DACH1: variants seen among roughly 807,000 people sequenced by gnomAD.
The protein encoded by DACH1 is dachshund homolog 1.
Under a neutral mutation model 54.2 loss-of-function variants are expected in DACH1, and 12 were observed. That is an observed-to-expected ratio of 0.22 (90% CI 0.14 to 0.36). The LOEUF is 0.36. Ranked by LOEUF, DACH1 falls within the 10% of genes least tolerant of loss-of-function variation. The pLI is 1.00. For synonymous variants in DACH1, 386 were observed against 366.2 expected, an observed-to-expected ratio of 1.05 and a Z score of -0.62; for missense variants, 805 against 929.8, an observed-to-expected ratio of 0.87 and a Z score of 1.75.
At chr13:71,473,007 G>A (rs536512536) in intron 10 of DACH1, among the ~76,000 whole-genome samples, 2 of 152,122 alleles carry the variant, frequency 1.3e-5, no homozygotes, top group Non-Finnish European at 2.9e-5. Flanking sequence ...TCTTTGCTCT[G>A]TTATGTTAAG....
At chr13:71,600,071 A>C (rs1250806183) in intron 3 of DACH1, among the ~76,000 whole-genome samples, 1 of 152,124 alleles carries the variant, frequency 6.6e-6, no homozygotes, top group East Asian at 1.9e-4. Context: ...AACTCACAGA[A>C]AGAGGAACTA....
intron 1 of DACH1, among the ~76,000 whole-genome samples, chr13:71,770,276 T>G (rs1434759599): frequency 6.6e-6 from 1 of 151,690 alleles, no homozygotes; most frequent in East Asian, 1.9e-4. Context: ...TGCAATGAAA[T>G]CTTCACACTC....
Position 71,866,512 on chromosome 13 carries a change from G to C in DACH1, c.258C>G (p.Gly86=), listed in dbSNP as rs1225419267. 2 of 1,215,306 alleles carry C rather than the reference G, an allele frequency of 1.6e-6. No individual in the cohort carries two copies. Among genetic ancestry groups the C allele is most frequent in the Non-Finnish European group, 1.0e-6 (1 of 982,130 alleles). The allele number at this position is 1,215,306 out of a possible 1,614,324, so 75.3% of individuals were successfully genotyped here. The change falls in exon 1 of 11, where the codon GGC becomes GGG. Residue 86 remains glycine (G), a synonymous_variant. Transcript: ENST00000613252. The stretch of plus-strand genomic sequence containing the variant: ...CGCCGCCTCCGTTGCCGCTGCTGCC[G>C]CCGCCGCCTCCGCTGCCGCCGCCGC... ...GGGGGGSGGG[G]GSSGNGGGGG...
At chr13:71,494,865 T>C (rs919907650) in intron 6 of DACH1, among the ~76,000 whole-genome samples, 40 of 152,092 alleles carry the variant, frequency 2.6e-4, no homozygotes, top group Non-Finnish European at 2.6e-4. Context: ...ATCAGTAAGA[T>C]TGATGCCTCT....
At chr13:71,655,804 T>C (rs1050351970) in intron 2 of DACH1, among the ~76,000 whole-genome samples, 4 of 152,216 alleles carry the variant, frequency 2.6e-5, no homozygotes, top group African/African-American at 2.4e-5. Context: ...CATCTTTCTT[T>C]TTCATTTGCT....
chr13:71,637,401 C>T lies in DACH1; in HGVS notation c.965-6684G>A, dbSNP rs536921294. On this transcript the variant is annotated intron_variant, in intron 2 of 10. Coordinates refer to ENST00000613252, the MANE Select transcript of DACH1 (RefSeq NM_080759.6). The stretch of plus-strand genomic sequence containing the variant: ...GTTTAGTTTTACCTTTGTTCAATTA[C>T]AAAGGTGCAAATAGGACAAAAAGTA... Among the ~76,000 whole-genome samples, 30 of 152,230 alleles carry T rather than the reference C, an allele frequency of 2.0e-4. No homozygotes were observed. The South Asian group carries it at 4.8e-3, about 24-fold the overall frequency.
chr13:71,660,543 G>A (rs1218121243), intron 2 of DACH1, among the ~76,000 whole-genome samples: 1 of 151,912 alleles, frequency 6.6e-6, no homozygotes, highest in Non-Finnish European at 1.5e-5. Context: ...ACGAGCAGAG[G>A]CATGGAGTTA....
intron 2 of DACH1, among the ~76,000 whole-genome samples, chr13:71,667,980 A>G (rs1304057705): frequency 6.6e-6 from 1 of 152,126 alleles, no homozygotes; most frequent in Non-Finnish European, 1.5e-5. Flanking sequence ...ATAATAGATA[A>G]TACAAAGGGC....
chr13:71,701,890 C>T (rs1302281981), intron 1 of DACH1, among the ~76,000 whole-genome samples: 4 of 152,142 alleles, frequency 2.6e-5, no homozygotes, highest in Admixed American at 2.6e-4. Context: ...ACTTCTAGTC[C>T]AGTGCTTTCT....
chr13:71,520,012 G>A (rs1269488526), intron 6 of DACH1, among the ~76,000 whole-genome samples: 1 of 149,292 alleles, frequency 6.7e-6, no homozygotes, highest in Non-Finnish European at 1.5e-5. Flanking sequence ...CATTGCCATT[G>A]CTTATATTTT....
intron 6 of DACH1, among the ~76,000 whole-genome samples, chr13:71,547,146 T>G (rs1402203394): frequency 6.6e-6 from 1 of 152,110 alleles, no homozygotes; most frequent in East Asian, 1.9e-4. Flanking sequence ...GAGGTTATTA[T>G]GAAAATTACA....
At chr13:71,493,027 GTT>G (rs75774425) in intron 6 of DACH1, among the ~76,000 whole-genome samples, 7 of 140,620 alleles carry the variant, frequency 5.0e-5, no homozygotes, top group Admixed American at 1.4e-4. Context: ...TTCTTAATGA[GTT>G]TTTTTTTTTT....
At chr13:71,653,912 T>A (rs1030026526) in intron 2 of DACH1, among the ~76,000 whole-genome samples, 1 of 151,890 alleles carries the variant, frequency 6.6e-6, no homozygotes, top group Non-Finnish European at 1.5e-5. Flanking sequence ...AATGTTCTCA[T>A]CAGAAAAAAA....
At chr13:71,561,726 T>A (rs1388302152) in intron 4 of DACH1, among the ~76,000 whole-genome samples, 2 of 152,142 alleles carry the variant, frequency 1.3e-5, no homozygotes, top group African/African-American at 4.8e-5. Flanking sequence ...GACTTCGGTA[T>A]CTTTTTAAAA....
At chr13:71,563,393 C>T (rs375898715) in intron 4 of DACH1, among the ~76,000 whole-genome samples, 13 of 151,800 alleles carry the variant, frequency 8.6e-5, no homozygotes, top group African/African-American at 2.4e-4. Flanking sequence ...CTTGGTAGTG[C>T]TAATGGAAAG....
chr13:71,545,898 G>T (rs894074114), intron 6 of DACH1, among the ~76,000 whole-genome samples: 1 of 151,984 alleles, frequency 6.6e-6, no homozygotes, highest in Non-Finnish European at 1.5e-5. Context: ...CTACATCCAA[G>T]AAGCTGTGAT....
chr13:71,605,889 T>A (rs1362849405), intron 3 of DACH1, among the ~76,000 whole-genome samples: 2 of 151,960 alleles, frequency 1.3e-5, no homozygotes, highest in Non-Finnish European at 2.9e-5. Flanking sequence ...CGCTATGTAA[T>A]AAACTGAATA....
chr13:71,816,041 C>T (rs1435453537), intron 1 of DACH1, among the ~76,000 whole-genome samples: 1 of 151,694 alleles, frequency 6.6e-6, no homozygotes, highest in Non-Finnish European at 1.5e-5. Flanking sequence ...GCCGAGATCG[C>T]GCCACTGCAC....
chr13:71,611,057 G>T (rs868215724), intron 3 of DACH1, among the ~76,000 whole-genome samples: 1 of 152,100 alleles, frequency 6.6e-6, no homozygotes, highest in Non-Finnish European at 1.5e-5. Context: ...TGTGAACGTT[G>T]CATTATGGCT....
Sources: gnomAD v4.1 joint callset for allele counts (sites outside exome capture counted in the v4.1 genomes callset) on GRCh38, gnomAD v4.1.1 for gene constraint, MANE v1.5 for transcripts, NCBI Gene and HGNC (gene_info 2026-07-23, HGNC 2026-07-21) for gene names.